The following GGA2 variants were observed in gnomAD, a reference collection of about 807,000 sequenced individuals.
The protein encoded by GGA2 is golgi associated, gamma adaptin ear containing, ARF binding protein 2, also known as ADP-ribosylation factor-binding protein GGA2.
A neutral mutation model predicts 79.5 loss-of-function variants in GGA2; 48 were observed. That is an observed-to-expected ratio of 0.60 (90% CI 0.48 to 0.77). The LOEUF (loss-of-function observed/expected upper bound fraction) is 0.77, where lower values mean the gene tolerates loss of function less well. Ranked by LOEUF, GGA2 falls within the 30% of genes least tolerant of loss-of-function variation. The pLI, the probability that GGA2 is intolerant of heterozygous loss-of-function variation, is 0.00. For missense variants in GGA2, 770 were observed against 774.0 expected (o/e 0.99, Z 0.06); for synonymous variants, 317 against 302.0 (o/e 1.05, Z -0.51).
intron 1 of GGA2, among the ~76,000 whole-genome samples, chr16:23,519,876 A>G (rs1965125430): frequency 6.6e-6 from 1 of 152,250 alleles, no homozygotes; most frequent in African/African-American, 2.4e-5. Flanking sequence ...ATTGCCACCA[A>G]GATCACTGTT....
At chr16:23,502,654 G>C (rs1964932785) in intron 1 of GGA2, among the ~76,000 whole-genome samples, 1 of 152,206 alleles carries the variant, frequency 6.6e-6, no homozygotes, top group Non-Finnish European at 1.5e-5. Flanking sequence ...ATATGGAGAG[G>C]AGCAGCGGTT....
intron 6 of GGA2, among the ~76,000 whole-genome samples, chr16:23,487,288 G>A (rs1304004856): frequency 6.6e-6 from 1 of 152,170 alleles, no homozygotes; most frequent in Non-Finnish European, 1.5e-5. Context: ...CCTGCCACTG[G>A]TTTTCAGTGG....
chr16:23,498,046 G>A (rs562771517), intron 1 of GGA2, among the ~76,000 whole-genome samples: 3 of 152,176 alleles, frequency 2.0e-5, no homozygotes, highest in African/African-American at 4.8e-5. Flanking sequence ...TTGGGAGGCC[G>A]AGGAGGGTGG....
intron 1 of GGA2, among the ~76,000 whole-genome samples, chr16:23,507,801 AAAAT>A (rs984023166): frequency 1.3e-5 from 2 of 152,072 alleles, no homozygotes; most frequent in African/African-American, 4.8e-5. Context: ...CTCCATCTCA[AAAAT>A]AAATAAATAA....
chr16:23,479,463 T>C (rs769921098), intron 11 of GGA2, among the ~76,000 whole-genome samples: 2 of 147,502 alleles, frequency 1.4e-5, no homozygotes, highest in Non-Finnish European at 3.0e-5. Context: ...GCAGCAGGTA[T>C]GTGCTCCCTC....
At position 23,479,808 on chromosome 16, in the gene GGA2, C is replaced by A; in HGVS notation, c.1086G>T (p.Gly362=). Residue 362 remains glycine, a synonymous_variant, in exon 11 of 17, where the codon GGG becomes GGT. Transcript: ENST00000309859. ...GATGAAGCAAAGATGGCACCACAGT[C>A]CCCATCTGCGCAGGTCCATTGTCCA... ...LEVDNGPAQM[G]TVVPSLLHQD... is the part of the protein sequence containing the mutation. 1 of 1,614,032 alleles carries A rather than the reference C, an allele frequency of 6.2e-7. No homozygotes were observed. The highest frequency in any genetic ancestry group is 2.2e-5 in the East Asian group (1 of 44,880).
At chr16:23,509,581 C>T (rs1965012112) in intron 1 of GGA2, among the ~76,000 whole-genome samples, 1 of 152,024 alleles carries the variant, frequency 6.6e-6, no homozygotes, top group South Asian at 2.1e-4. Context: ...TATTCTTTAT[C>T]CCCTTTGAAC....
rs1175733450 is a variant in GGA2, at chr16:23,466,915, A to T, written c.*675T>A. The T allele has an allele frequency of 6.5e-6, 1 of 152,874 alleles. No individual in the cohort carries two copies. Among genetic ancestry groups the T allele is most frequent in the African/African-American group, 2.4e-5 (1 of 41,434 alleles). The allele number at this position is 152,874 out of a possible 1,614,324, so 9.5% of individuals were successfully genotyped here. A position where few individuals can be genotyped will look rare whatever the true frequency, so the allele number is the denominator to read the frequency against. The stretch of plus-strand genomic sequence containing the variant: ...TGCCCAGGAACTCTGTCCAGGGGCG[A>T]TTCTAAGGCACAGTGGTGAAGGACA... On this transcript the variant is annotated 3_prime_UTR_variant, in exon 17 of 17. Coordinates refer to ENST00000309859, the MANE Select transcript of GGA2 (RefSeq NM_015044.4).
intron 7 of GGA2, 58 bp downstream of exon 7, chr16:23,486,652 C>T: frequency 2.0e-6 from 2 of 978,446 alleles, no homozygotes; most frequent in South Asian, 2.5e-5. Flanking sequence ...CTCATATGCA[C>T]TGTCCTTCAG....
At chr16:23,520,036 C>T (rs1965126410) in intron 1 of GGA2, among the ~76,000 whole-genome samples, 1 of 152,104 alleles carries the variant, frequency 6.6e-6, no homozygotes, top group Admixed American at 6.6e-5. Context: ...CACCTGAGGT[C>T]GGCAGTTTGA....
chr16:23,503,774 G>A (rs968926511), intron 1 of GGA2, among the ~76,000 whole-genome samples: 2 of 152,176 alleles, frequency 1.3e-5, no homozygotes, highest in Admixed American at 6.5e-5. Flanking sequence ...AACAGTAACC[G>A]TCATTTTTAA....
In GGA2 at chr16:23,463,570, AT is replaced by A. The variant is rs1282949525; in HGVS notation, c.*4019del. The A allele has an allele frequency of 6.6e-6, 1 of 152,222 alleles. No homozygotes were observed. Among genetic ancestry groups the A allele is most frequent in the African/African-American group, 2.4e-5 (1 of 41,464 alleles). 9.4% of individuals were successfully genotyped at this position (152,222 alleles called of 1,614,324 possible). ...AAAAATAAGGTTTTATTTTCAGCTG[AT>A]TTTAGAAAGCTCAGAAAAAATTTAA... On this transcript the variant is annotated 3_prime_UTR_variant, in exon 17 of 17. Coordinates refer to ENST00000309859, the MANE Select transcript of GGA2 (RefSeq NM_015044.4).
intron 14 of GGA2, among the ~76,000 whole-genome samples, chr16:23,472,218 C>T (rs1037134721): frequency 1.8e-5 from 2 of 109,312 alleles, no homozygotes; most frequent in African/African-American, 7.2e-5. Context: ...TTTTTAGACA[C>T]AGTCTCACTG....
intron 16 of GGA2, 109 bp downstream of exon 16, chr16:23,468,777 C>T (rs929663246): frequency 1.2e-5 from 8 of 668,524 alleles, no homozygotes; most frequent in Non-Finnish European, 1.9e-5. Context: ...CCCAGCAAAC[C>T]AGAGACTTTA....
chr16:23,502,043 A>G (rs1375318334), intron 1 of GGA2, among the ~76,000 whole-genome samples: 1 of 152,210 alleles, frequency 6.6e-6, no homozygotes, highest in Non-Finnish European at 1.5e-5. Flanking sequence ...CTAGCATGTG[A>G]CAGTGGTCTG....
At position 23,465,170 on chromosome 16, in the gene GGA2, G is replaced by C. The variant is rs1964419596; in HGVS notation, c.*2420C>G. The C allele has an allele frequency of 3.4e-6, 2 of 594,836 alleles. No homozygotes were observed. Among genetic ancestry groups the C allele is most frequent in the South Asian group, 4.0e-5 (2 of 49,504 alleles). The allele number at this position is 594,836 out of a possible 1,614,324, so 36.8% of individuals were successfully genotyped here. ...TCAACAACTAGCTTTTAAAAAAACA[G>C]AGACACGGTCTCACTATGTAGCCCA... On this transcript the variant is annotated 3_prime_UTR_variant, in exon 17 of 17. Transcript: ENST00000309859.
At chr16:23,511,356 T>G (rs1485498280), upstream of GGA2, among the ~76,000 whole-genome samples, 2 of 151,354 alleles carry the variant, frequency 1.3e-5, no homozygotes. Flanking sequence ...AAACGAGGGT[T>G]CACTATGTTG....
Position 23,465,264 on chromosome 16 carries a change from C to T in GGA2, c.*2326G>A, listed in dbSNP as rs886099636. 51 of 690,946 alleles carry T rather than the reference C, an allele frequency of 7.4e-5. No individual in the cohort carries two copies. The highest frequency in any genetic ancestry group is 6.5e-4 in the African/African-American group (37 of 57,208). 42.8% of individuals were successfully genotyped at this position (690,946 alleles called of 1,614,324 possible). A position where few individuals can be genotyped will look rare whatever the true frequency, so the allele number is the denominator to read the frequency against. ...CCTCCCAAAATGCTGGGATTATAGG[C>T]GTGAGCCACTGTGCACAGCCAATAA... On this transcript the variant is annotated 3_prime_UTR_variant, in exon 17 of 17. Transcript: ENST00000309859.
chr16:23,520,455 G>C (rs942167643), intron 1 of GGA2, among the ~76,000 whole-genome samples: 23 of 151,880 alleles, frequency 1.5e-4, no homozygotes, highest in Non-Finnish European at 2.8e-4. Flanking sequence ...CAAAACACTG[G>C]GGATGGGCTT....
Sources: allele counts gnomAD v4.1 joint callset (sites outside exome capture counted in the v4.1 genomes callset), GRCh38; gene constraint gnomAD v4.1.1; transcripts MANE v1.5; gene names NCBI Gene and HGNC (gene_info 2026-07-23, HGNC 2026-07-21).